Variants in SYNE1 observed in about 807,000 individuals in gnomAD.
The protein encoded by SYNE1 is spectrin repeat containing nuclear envelope protein 1.
Under a neutral mutation model 1,111.0 loss-of-function variants are expected in SYNE1, and 616 were observed. The observed-to-expected ratio is 0.55, with a 90% confidence interval of 0.52 to 0.59. The LOEUF (loss-of-function observed/expected upper bound fraction) is 0.59, where lower values mean the gene tolerates loss of function less well. Ranked by LOEUF, SYNE1 falls within the 20% of genes least tolerant of loss-of-function variation. SYNE1 has a pLI of 0.00. For synonymous variants in SYNE1, 3,855 were observed against 3,825.8 expected (o/e 1.01, Z -0.28); for missense variants, 10,006 against 10,417.0 (o/e 0.96, Z 1.72).
At chr6:152,564,450 G>A (rs901951608) in intron 3 of SYNE1, among the ~76,000 whole-genome samples, 10 of 152,076 alleles carry the variant, frequency 6.6e-5, no homozygotes, top group African/African-American at 2.2e-4. Context: ...CCAAGTAGCT[G>A]GGACTACAGG....
chr6:152,566,411 T>C (rs9384012), intron 3 of SYNE1, among the ~76,000 whole-genome samples: 17,767 of 146,312 alleles, frequency 0.12, 1,460 homozygotes, highest in East Asian at 0.46. Flanking sequence ...AGAAAAAAAA[T>C]CCACATTAAA....
chr6:152,169,907 ATTC>A (rs1421238710), intron 130 of SYNE1, among the ~76,000 whole-genome samples: 3 of 152,112 alleles, frequency 2.0e-5, no homozygotes, highest in Admixed American at 6.5e-5. Flanking sequence ...TAAAACAATC[ATTC>A]TTCTTATATT....
Position 152,331,788 on chromosome 6 carries a change from C to T in SYNE1, c.12897G>A (p.Lys4299=). ...KYAIEDLKDQ[K]QKMIEHLNLD... is the part of the protein sequence containing the mutation. ...AATTCAGATGCTCTATCATTTTCTG[C>T]TTTTGATCTTTCAGATCTTCAATAG... The change falls in exon 78 of 146, where the codon AAG becomes AAA. Residue 4299 remains lysine (K), a synonymous_variant. Transcript: ENST00000367255. The T allele has an allele frequency of 6.8e-6, 11 of 1,614,176 alleles. No homozygotes were observed. Among genetic ancestry groups the T allele is most frequent in the Non-Finnish European group, 9.3e-6 (11 of 1,180,034 alleles).
In SYNE1 at chr6:152,164,326, C is replaced by T. The variant is rs371254832; in HGVS notation, c.23628-1G>A. Reference sequence around the variant, plus strand: ...CAGGGTCTCCTTCAGCTTCTTCACCCTGTGGGCAGAGAAGGGGGAATGTCC... The same window carrying T: ...CAGGGTCTCCTTCAGCTTCTTCACCTTGTGGGCAGAGAAGGGGGAATGTCC... On this transcript the variant is annotated splice_acceptor_variant, in intron 130 of 145. Coordinates refer to ENST00000367255, the MANE Select transcript of SYNE1 (RefSeq NM_182961.4). LOFTEE classifies it high-confidence loss of function. 2 of 1,613,978 alleles carry T rather than the reference C, an allele frequency of 1.2e-6. No individual in the cohort carries two copies. The highest frequency in any genetic ancestry group is 1.7e-6 in the Non-Finnish European group (2 of 1,180,032).
At chr6:152,423,258 G>A (rs971273288) in intron 39 of SYNE1, among the ~76,000 whole-genome samples, 11 of 152,156 alleles carry the variant, frequency 7.2e-5, no homozygotes, top group African/African-American at 2.7e-4. Context: ...CAATCTTTCT[G>A]TAACCTCAAT....
chr6:152,213,576 TTTC>T (rs1430352508), intron 123 of SYNE1, 33 bp downstream of exon 123: 4 of 1,613,182 alleles, frequency 2.5e-6, no homozygotes, highest in Admixed American at 1.7e-5. Context: ...GGCCTAAAAA[TTTC>T]TTATTACCCC....
chr6:152,218,930 T>G (rs923961027), intron 120 of SYNE1, 73 bp downstream of exon 120: 9 of 1,481,378 alleles, frequency 6.1e-6, no homozygotes, highest in Non-Finnish European at 8.4e-6. Context: ...GACAAGGAAT[T>G]CTTTTTCTGT....
intron 101 of SYNE1, 115 bp from the exon 102 acceptor site, chr6:152,256,880 T>C: frequency 1.3e-6 from 2 of 1,482,152 alleles, no homozygotes; most frequent in East Asian, 2.3e-5. Flanking sequence ...GAAAATTTCT[T>C]CTAGAGAAAT....
chr6:152,447,428 G>A, intron 29 of SYNE1, 30 bp downstream of exon 29: 1 of 1,613,236 alleles, frequency 6.2e-7, no homozygotes, highest in Non-Finnish European at 8.5e-7. Context: ...ACTCAGAACT[G>A]TCTGTTTAGA....
chr6:152,404,410 C>G, intron 45 of SYNE1, 96 bp from the exon 46 acceptor site: 3 of 931,092 alleles, frequency 3.2e-6, no homozygotes, highest in Non-Finnish European at 5.2e-6. Context: ...TCGAAATACC[C>G]CAACTTTAAG....
chr6:152,440,497 T>C (rs961554795), intron 32 of SYNE1, among the ~76,000 whole-genome samples: 2 of 152,154 alleles, frequency 1.3e-5, no homozygotes, highest in Admixed American at 6.5e-5. Context: ...AGAATGTCTG[T>C]ATTTTGCTCC....
chr6:152,269,954 C>T (rs542990495), intron 98 of SYNE1, among the ~76,000 whole-genome samples: 107 of 152,220 alleles, frequency 7.0e-4, no homozygotes, highest in African/African-American at 2.5e-3. Context: ...TTTCCCAGGC[C>T]GGCTGGACAT....
intron 4 of SYNE1, among the ~76,000 whole-genome samples, chr6:152,527,667 CATAA>C (rs1002664662): frequency 6.6e-6 from 1 of 152,056 alleles, no homozygotes; most frequent in South Asian, 2.1e-4. Flanking sequence ...GGAACAAGTT[CATAA>C]ATGTTTGATA....
At chr6:152,511,236 A>T (rs2099083380) in intron 6 of SYNE1, 133 bp from the exon 7 acceptor site, 2 of 787,326 alleles carry the variant, frequency 2.5e-6, no homozygotes, top group Non-Finnish European at 4.2e-6. Flanking sequence ...GGGAGTAAGT[A>T]GAGTGAGGCA....
Position 152,390,278 on chromosome 6 carries a change from A to T in SYNE1, c.8177+2T>A, listed in dbSNP as rs1451644647. 6.2e-7 allele frequency: 1 copy of T among 1,613,884 alleles called. No homozygotes were observed. The highest frequency in any genetic ancestry group is 8.5e-7 in the Non-Finnish European group (1 of 1,179,988). ...AACAAACTCTAAAAATAGGTTCTGT[A>T]CCTTTGAGCGTGGACGGAGGAGCTC... On this transcript the variant is annotated splice_donor_variant, in intron 53 of 145. Transcript: ENST00000367255. LOFTEE classifies it high-confidence loss of function.
At chr6:152,528,113 C>A (rs2099172276) in intron 4 of SYNE1, among the ~76,000 whole-genome samples, 2 of 152,164 alleles carry the variant, frequency 1.3e-5, no homozygotes, top group South Asian at 4.1e-4. Context: ...AGTTCACAGC[C>A]CTTTCTCTTT....
intron 73 of SYNE1, among the ~76,000 whole-genome samples, chr6:152,345,697 A>G (rs1296543288): frequency 6.6e-6 from 1 of 152,196 alleles, no homozygotes; most frequent in Admixed American, 6.5e-5. Context: ...TGGCTAGTCC[A>G]GTAAACAAAA....
chr6:152,477,766 G>A (rs2154288390), intron 14 of SYNE1, among the ~76,000 whole-genome samples: 1 of 152,242 alleles, frequency 6.6e-6, no homozygotes, highest in Non-Finnish European at 1.5e-5. Context: ...TTTGTTGAAA[G>A]AATAGGGAAG....
At chr6:152,139,880 T>C in intron 140 of SYNE1, 70 bp downstream of exon 140, 1 of 1,538,392 alleles carries the variant, frequency 6.5e-7, no homozygotes. Flanking sequence ...GAACTAGAGG[T>C]GCCATCTGCA....
Sources: allele counts gnomAD v4.1 joint callset (sites outside exome capture counted in the v4.1 genomes callset), GRCh38; gene constraint gnomAD v4.1.1; transcripts MANE v1.5; gene names NCBI Gene and HGNC (gene_info 2026-07-23, HGNC 2026-07-21).